PTPRT: variants seen among roughly 807,000 people sequenced by gnomAD.
The protein encoded by PTPRT is receptor-type tyrosine-protein phosphatase T.
Under a neutral mutation model 176.8 loss-of-function variants are expected in PTPRT, and 56 were observed. The ratio of observed to expected loss-of-function variants is 0.32; its 90% confidence interval spans 0.26 to 0.40. The LOEUF is 0.40. Ranked by LOEUF, PTPRT falls within the 10% of genes least tolerant of loss-of-function variation. The probability of loss-of-function intolerance (pLI) is 1.00; values close to 1 mark genes in which losing one functional copy is unlikely to be tolerated. For missense variants in PTPRT, 1,540 were observed against 1,908.2 expected (o/e 0.81, Z 3.60); for synonymous variants, 783 against 739.0 (o/e 1.06, Z -0.96).
intron 8 of PTPRT, among the ~76,000 whole-genome samples, chr20:42,448,894 G>A (rs910147281): frequency 6.6e-6 from 1 of 151,880 alleles, no homozygotes; most frequent in Non-Finnish European, 1.5e-5. Flanking sequence ...ATCTCATAAC[G>A]TTGTAAGAAA....
chr20:42,689,887 C>T (rs1001107972), intron 6 of PTPRT, among the ~76,000 whole-genome samples: 1 of 152,066 alleles, frequency 6.6e-6, no homozygotes, highest in South Asian at 2.1e-4. Flanking sequence ...CCCCACTGAC[C>T]CATTTTAGAC....
chr20:42,046,046 A>C, the PTPRT span, among the ~76,000 whole-genome samples: 1 of 152,134 alleles, frequency 6.6e-6, no homozygotes, highest in East Asian at 1.9e-4. Flanking sequence ...CCTTGACCTC[A>C]TGGAGGTGAG....
At chr20:42,039,553 C>T in the PTPRT span, among the ~76,000 whole-genome samples, 1 of 151,932 alleles carries the variant, frequency 6.6e-6, no homozygotes, top group Non-Finnish European at 1.5e-5. Context: ...AACTATTTTA[C>T]ATCCTAAATA....
chr20:42,729,206 G>T (rs2076424314), intron 6 of PTPRT, among the ~76,000 whole-genome samples: 1 of 152,118 alleles, frequency 6.6e-6, no homozygotes, highest in African/African-American at 2.4e-5. Flanking sequence ...CTCCCACCCT[G>T]AACTAAAAAT....
rs373447488 is a variant in PTPRT at position 42,116,090 on chromosome 20, C to T, written c.2983-775G>A. The T allele has an allele frequency of 7.3e-4, 531 of 723,488 alleles. 1 individual carries two copies. The highest frequency in any genetic ancestry group is 1.1e-3 in the Non-Finnish European group (418 of 388,226). The allele number at this position is 723,488 out of a possible 1,614,324, so 44.8% of individuals were successfully genotyped here. On this transcript the variant is annotated intron_variant, in intron 21 of 30. Coordinates refer to ENST00000373187, the MANE Select transcript of PTPRT (RefSeq NM_007050.6). The stretch of plus-strand genomic sequence containing the variant: ...GAGTGGCATTTCCCACAGTGTGTTC[C>T]GCTGGGTGCTAATAGGTGTTAGGTA...
rs11415242 is a variant in PTPRT at position 42,119,013 on chromosome 20, G to GAAAAAAAAA, written c.2885-522_2885-514dup. 2.1e-4 allele frequency among the ~76,000 whole-genome samples: 6 copies of GAAAAAAAAA among 29,224 alleles called. 1 individual carries two copies. The highest frequency in any genetic ancestry group is 3.0e-4 in the Non-Finnish European group (5 of 16,678). 19.2% of individuals were successfully genotyped at this position (29,224 alleles called of 152,430 possible). The stretch of plus-strand genomic sequence containing the variant: ...CTCTAGGGCCTCAACAGAAAGGAAG[G>GAAAAAAAAA]AAAAAAAAAAAAAAAAAAAAAAAAA... On this transcript the variant is annotated intron_variant, in intron 20 of 30. Coordinates refer to ENST00000373187, the MANE Select transcript of PTPRT (RefSeq NM_007050.6).
At chr20:42,678,564 A>G (rs1262306060) in intron 6 of PTPRT, among the ~76,000 whole-genome samples, 4 of 152,188 alleles carry the variant, frequency 2.6e-5, no homozygotes, top group African/African-American at 4.8e-5. Context: ...TCAGCCTCCC[A>G]AAGTGCTGGG....
the PTPRT span, among the ~76,000 whole-genome samples, chr20:42,031,972 T>C: frequency 4.6e-5 from 7 of 152,208 alleles, no homozygotes; most frequent in Non-Finnish European, 1.5e-5. Context: ...ATCACAATTT[T>C]ATAGATGAAG....
chr20:43,042,205 C>A (rs1164660345), intron 1 of PTPRT, among the ~76,000 whole-genome samples: 5 of 152,176 alleles, frequency 3.3e-5, no homozygotes, highest in Non-Finnish European at 7.3e-5. Context: ...TTCCTAAAGA[C>A]CAGTGGTGTC....
In PTPRT at chr20:42,817,761, C is replaced by T. The variant is rs1358700704; in HGVS notation, c.215-26295G>A. Among the ~76,000 whole-genome samples, 8 of 152,298 alleles carry T rather than the reference C, an allele frequency of 5.3e-5. No individual in the cohort carries two copies. In the East Asian group the frequency reaches 1.5e-3, roughly 30 times the overall value. ...ACACACTGGCTGTGGCAGTCTGAGGCCAGCGTGCCTCTTCAGGCCTAACCC... is the reference window on the plus strand; with the variant it reads ...ACACACTGGCTGTGGCAGTCTGAGGTCAGCGTGCCTCTTCAGGCCTAACCC... On this transcript the variant is annotated intron_variant, in intron 2 of 30. Coordinates refer to ENST00000373187, the MANE Select transcript of PTPRT (RefSeq NM_007050.6).
chr20:42,141,830 A>G, intron 18 of PTPRT, 85 bp downstream of exon 18: 1 of 1,273,206 alleles, frequency 7.9e-7, no homozygotes, highest in Non-Finnish European at 1.1e-6. Flanking sequence ...ATTTGATAAC[A>G]AATTCCAGGT....
In PTPRT at chr20:42,396,013, C is replaced by T. The variant is rs183729499; in HGVS notation, c.1561-43728G>A. ...AGGCTGACTCCCCTGCTAACATCTC[C>T]GTCCTCTACTTCTCCCCTGAACTCC... On this transcript the variant is annotated intron_variant, in intron 9 of 30. Coordinates refer to ENST00000373187, the MANE Select transcript of PTPRT (RefSeq NM_007050.6). Among the ~76,000 whole-genome samples, 9 of 152,240 alleles carry T rather than the reference C, an allele frequency of 5.9e-5. No individual in the cohort carries two copies. In the East Asian group the frequency reaches 9.7e-4, roughly 16 times the overall value.
intron 7 of PTPRT, among the ~76,000 whole-genome samples, chr20:42,507,947 G>A (rs2071877561): frequency 6.6e-6 from 1 of 151,742 alleles, no homozygotes; most frequent in Admixed American, 6.6e-5. Flanking sequence ...CAAGCTCTTC[G>A]AGGTCAATGC....
chr20:42,628,449 T>C (rs966974133), intron 7 of PTPRT, among the ~76,000 whole-genome samples: 1 of 152,162 alleles, frequency 6.6e-6, no homozygotes, highest in Admixed American at 6.5e-5. Flanking sequence ...TCCCATAAAC[T>C]GGCAAATCAT....
At chr20:42,384,155 C>A (rs1202605907) in intron 9 of PTPRT, among the ~76,000 whole-genome samples, 9 of 152,298 alleles carry the variant, frequency 5.9e-5, no homozygotes, top group South Asian at 2.1e-4. Flanking sequence ...GCATATGGAC[C>A]ATGCACTAGT....
intron 7 of PTPRT, among the ~76,000 whole-genome samples, chr20:42,544,325 T>C (rs111668518): frequency 6.6e-6 from 1 of 152,358 alleles, no homozygotes; most frequent in Non-Finnish European, 1.5e-5. Context: ...ACACTTCTGT[T>C]ATGAAGAAAA....
chr20:42,928,436 G>A (rs1979624334), intron 1 of PTPRT, among the ~76,000 whole-genome samples: 1 of 152,188 alleles, frequency 6.6e-6, no homozygotes, highest in Admixed American at 6.5e-5. Flanking sequence ...GGACAAACAG[G>A]TTGAAATGCA....
At chr20:42,728,481 A>C (rs1038863009) in intron 6 of PTPRT, among the ~76,000 whole-genome samples, 1 of 152,196 alleles carries the variant, frequency 6.6e-6, no homozygotes, top group Non-Finnish European at 1.5e-5. Flanking sequence ...TTTGAAACCC[A>C]GTCTCTGAAG....
At chr20:42,528,330 T>C (rs1383493696) in intron 7 of PTPRT, among the ~76,000 whole-genome samples, 1 of 151,966 alleles carries the variant, frequency 6.6e-6, no homozygotes, top group Admixed American at 6.6e-5. Context: ...TTATGTCCAC[T>C]TTATGTCTTT....
Sources: gnomAD v4.1 joint callset for allele counts (sites outside exome capture counted in the v4.1 genomes callset) on GRCh38, gnomAD v4.1.1 for gene constraint, MANE v1.5 for transcripts, NCBI Gene and HGNC (gene_info 2026-07-23, HGNC 2026-07-21) for gene names.